NRG3: variants seen among roughly 807,000 people sequenced by gnomAD.
The protein encoded by NRG3 is pro-neuregulin-3, membrane-bound isoform.
NRG3 carries 31 observed loss-of-function variants against 66.9 expected under a neutral mutation model. That is an observed-to-expected ratio of 0.46 (90% CI 0.35 to 0.63). NRG3 has a LOEUF of 0.63. NRG3 is among the 20% of genes least tolerant of loss of function. The probability of loss-of-function intolerance (pLI) is 0.00; values close to 1 mark genes in which losing one functional copy is unlikely to be tolerated. For synonymous variants in NRG3, 393 were observed against 359.4 expected, an observed-to-expected ratio of 1.09 and a Z score of -1.06; for missense variants, 910 against 878.9, an observed-to-expected ratio of 1.04 and a Z score of -0.45.
chr10:82,926,791 G>A (rs989256006), intron 4 of NRG3, among the ~76,000 whole-genome samples: 1 of 152,196 alleles, frequency 6.6e-6, no homozygotes, highest in Admixed American at 6.5e-5. Flanking sequence ...CAATATTAAA[G>A]TGTGATTCTA....
At chr10:82,324,818 A>G (rs1359178282) in intron 1 of NRG3, among the ~76,000 whole-genome samples, 1 of 152,220 alleles carries the variant, frequency 6.6e-6, no homozygotes, top group Admixed American at 6.5e-5. Context: ...AACTTGTTTA[A>G]TGAACCCGAA....
intron 2 of NRG3, among the ~76,000 whole-genome samples, chr10:82,696,141 C>G (rs1159015967): frequency 5.3e-5 from 8 of 152,126 alleles, no homozygotes; most frequent in Admixed American, 5.2e-4. Flanking sequence ...TTTTGAGACA[C>G]CTTCCCAGAA....
chr10:82,784,225 T>C (rs2060245809), intron 3 of NRG3, among the ~76,000 whole-genome samples: 1 of 152,030 alleles, frequency 6.6e-6, no homozygotes, highest in African/African-American at 2.4e-5. Flanking sequence ...GATTAAAGAC[T>C]TAAACGTTAG....
chr10:82,939,102 T>C (rs556381347), intron 4 of NRG3, among the ~76,000 whole-genome samples: 3 of 152,304 alleles, frequency 2.0e-5, no homozygotes, highest in Non-Finnish European at 2.9e-5. Context: ...ATATTAGACA[T>C]ATTAATGAGA....
chr10:82,701,378 G>T (rs961919711), intron 2 of NRG3, among the ~76,000 whole-genome samples: 4 of 152,098 alleles, frequency 2.6e-5, no homozygotes, highest in Non-Finnish European at 4.4e-5. Flanking sequence ...TGTCAGTCAA[G>T]TACTCCTGCC....
intron 4 of NRG3, among the ~76,000 whole-genome samples, chr10:82,903,594 C>T (rs1419337387): frequency 3.3e-5 from 5 of 152,142 alleles, no homozygotes; most frequent in Admixed American, 3.3e-4. Context: ...ATGACATAAA[C>T]TTATGGTATT....
intron 2 of NRG3, among the ~76,000 whole-genome samples, chr10:82,734,327 C>G (rs532966588): frequency 1.3e-5 from 2 of 151,992 alleles, no homozygotes; most frequent in Admixed American, 6.5e-5. Context: ...CCAAGGATGT[C>G]AAGAGTAGAA....
chr10:82,972,322 T>G (rs1851840680), intron 6 of NRG3, among the ~76,000 whole-genome samples: 1 of 152,188 alleles, frequency 6.6e-6, no homozygotes, highest in South Asian at 2.1e-4. Context: ...CTAGGATTTT[T>G]TGTTTTTAAA....
intron 2 of NRG3, among the ~76,000 whole-genome samples, chr10:82,558,710 T>C (rs1367806410): frequency 1.3e-5 from 2 of 152,212 alleles, no homozygotes; most frequent in African/African-American, 2.4e-5. Context: ...GAATAACTGT[T>C]AAATAAATAT....
At chr10:82,450,528 G>T (rs1290271467) in intron 2 of NRG3, among the ~76,000 whole-genome samples, 3 of 152,020 alleles carry the variant, frequency 2.0e-5, no homozygotes, top group Non-Finnish European at 4.4e-5. Context: ...GTGTTCTGAA[G>T]AAATCTGCCT....
At chr10:81,972,406 A>G (rs974781094) in intron 1 of NRG3, among the ~76,000 whole-genome samples, 1 of 152,168 alleles carries the variant, frequency 6.6e-6, no homozygotes, top group Non-Finnish European at 1.5e-5. Flanking sequence ...AGAACGGTAA[A>G]ATAGTTATTA....
At chr10:82,841,380 C>T (rs972802683) in intron 3 of NRG3, among the ~76,000 whole-genome samples, 6 of 152,178 alleles carry the variant, frequency 3.9e-5, no homozygotes, top group Non-Finnish European at 7.3e-5. Context: ...TATCAGCGTT[C>T]TCTAGAGAAA....
At chr10:82,183,985 A>G (rs1397939548) in intron 1 of NRG3, among the ~76,000 whole-genome samples, 1 of 152,086 alleles carries the variant, frequency 6.6e-6, no homozygotes, top group Non-Finnish European at 1.5e-5. Context: ...CTGGGATAAC[A>G]TCTACTTTTT....
intron 2 of NRG3, among the ~76,000 whole-genome samples, chr10:82,560,987 A>T (rs2045002563): frequency 6.6e-6 from 1 of 151,978 alleles, no homozygotes; most frequent in Non-Finnish European, 1.5e-5. Context: ...GCAGACATAG[A>T]TCTATTTCTA....
At chr10:82,621,792 C>A (rs1163780955) in intron 2 of NRG3, among the ~76,000 whole-genome samples, 1 of 152,184 alleles carries the variant, frequency 6.6e-6, no homozygotes, top group Non-Finnish European at 1.5e-5. Context: ...CTCTGGCAAC[C>A]GAGTTCTACA....
At chr10:82,097,925 G>T (rs1242873170) in intron 1 of NRG3, among the ~76,000 whole-genome samples, 1 of 151,818 alleles carries the variant, frequency 6.6e-6, no homozygotes, top group African/African-American at 2.4e-5. Flanking sequence ...CTCTGTTTGG[G>T]TCCACTTTTA....
At chr10:82,798,884 G>A (rs1212920176) in intron 3 of NRG3, among the ~76,000 whole-genome samples, 1 of 152,090 alleles carries the variant, frequency 6.6e-6, no homozygotes, top group African/African-American at 2.4e-5. Flanking sequence ...CGGACCCCTT[G>A]GGATATAGAG....
chr10:82,610,650 G>T (rs187426880), intron 2 of NRG3, among the ~76,000 whole-genome samples: 1 of 152,040 alleles, frequency 6.6e-6, no homozygotes, highest in African/African-American at 2.4e-5. Context: ...GAATGACTTA[G>T]CATCTTAAAA....
intron 3 of NRG3, among the ~76,000 whole-genome samples, chr10:82,838,432 G>T (rs1208674188): frequency 6.6e-6 from 1 of 152,130 alleles, no homozygotes; most frequent in African/African-American, 2.4e-5. Flanking sequence ...GGTGACAATA[G>T]ATGCCCATCT....
Sources: gnomAD v4.1 joint callset for allele counts (sites outside exome capture counted in the v4.1 genomes callset) on GRCh38, gnomAD v4.1.1 for gene constraint, MANE v1.5 for transcripts, NCBI Gene and HGNC (gene_info 2026-07-23, HGNC 2026-07-21) for gene names.